Variants in SAP130 observed in about 807,000 individuals in gnomAD.
SAP130 encodes Sin3A associated protein 130.
SAP130 carries 16 observed loss-of-function variants against 103.2 expected under a neutral mutation model. That is an observed-to-expected ratio of 0.16 (90% CI 0.10 to 0.24). The LOEUF (loss-of-function observed/expected upper bound fraction) is 0.24, where lower values mean the gene tolerates loss of function less well. Among genes scored for constraint, SAP130 ranks in the 10% least tolerant of loss-of-function variants. The pLI is 1.00. For synonymous variants in SAP130, 477 were observed against 497.0 expected (o/e 0.96, Z 0.53); for missense variants, 990 against 1,359.7 (o/e 0.73, Z 4.28).
At chr2:127,980,254 T>C (rs143852269) in intron 14 of SAP130, among the ~76,000 whole-genome samples, 1 of 152,190 alleles carries the variant, frequency 6.6e-6, no homozygotes, top group East Asian at 1.9e-4. Flanking sequence ...CCAACTGCAT[T>C]GCTGCCAACC....
intron 18 of SAP130, 80 bp from the exon 19 acceptor site, chr2:127,945,639 C>T: frequency 8.4e-6 from 7 of 837,858 alleles, no homozygotes; most frequent in Non-Finnish European, 1.2e-5. Context: ...GTGTAAATGC[C>T]ATTATTTTAA....
At position 128,010,787 on chromosome 2, in the gene SAP130, C is replaced by T. The variant is rs535562619; in HGVS notation, c.745-394G>A. 4.5e-3 allele frequency among the ~76,000 whole-genome samples: 688 copies of T among 151,796 alleles called. 6 individuals are homozygous for T. Among genetic ancestry groups the T allele is most frequent in the African/African-American group, 0.016 (646 of 41,368 alleles). On this transcript the variant is annotated intron_variant, in intron 6 of 20. Coordinates refer to ENST00000643581, the MANE Select transcript of SAP130 (RefSeq NM_001330301.2). ...GTTGAGGCAGGAGAATCGCTTGAAC[C>T]TGGGAGGCAGAGGTTGCAGTGAGCC...
intron 15 of SAP130, among the ~76,000 whole-genome samples, chr2:127,977,656 A>C (rs1573717687): frequency 6.6e-6 from 1 of 152,244 alleles, no homozygotes; most frequent in East Asian, 1.9e-4. Flanking sequence ...AGGAATGCGC[A>C]ATGCCCACTT....
At chr2:128,013,586 T>A (rs978785565) in intron 5 of SAP130, among the ~76,000 whole-genome samples, 1 of 152,124 alleles carries the variant, frequency 6.6e-6, no homozygotes, top group Non-Finnish European at 1.5e-5. Context: ...CAGACCCCCA[T>A]AAGGGCCTGT....
At chr2:127,972,181 A>G (rs1384258708) in intron 15 of SAP130, among the ~76,000 whole-genome samples, 1 of 152,224 alleles carries the variant, frequency 6.6e-6, no homozygotes, top group East Asian at 1.9e-4. Context: ...AGAGTCTAAA[A>G]AAGAGACCCT....
At chr2:127,987,772 A>T (rs1390973436) in intron 13 of SAP130, among the ~76,000 whole-genome samples, 1 of 152,170 alleles carries the variant, frequency 6.6e-6, no homozygotes, top group African/African-American at 2.4e-5. Flanking sequence ...GTAAAATACC[A>T]ATCTCTCTCA....
rs71935874 is a variant in SAP130 at position 128,004,361 on chromosome 2, CTTTTTTTTTTT to C, written c.870-3918_870-3908del. 6.6e-4 allele frequency among the ~76,000 whole-genome samples: 50 copies of C among 76,024 alleles called. 1 individual carries two copies. The South Asian group carries it at 0.019, about 28-fold the overall frequency. 49.9% of individuals were successfully genotyped at this position (76,024 alleles called of 152,430 possible). A position where few individuals can be genotyped will look rare whatever the true frequency, so the allele number is the denominator to read the frequency against. ...AGTGAAAGGAGGATTGCTTTCTTTC[CTTTTTTTTTTT>C]TTTTTTTTTTTTTTTTAAAGCGATA... On this transcript the variant is annotated intron_variant, in intron 7 of 20. Coordinates refer to ENST00000643581, the MANE Select transcript of SAP130 (RefSeq NM_001330301.2).
At chr2:128,000,202 T>A (rs1683456062) in intron 8 of SAP130, 56 bp from the exon 9 acceptor site, 8 of 1,609,170 alleles carry the variant, frequency 5.0e-6, no homozygotes, top group African/African-American at 4.0e-5. Flanking sequence ...GCGTCCAGGG[T>A]AAACACAATC....
At chr2:128,011,556 T>C (rs1684398223) in intron 6 of SAP130, among the ~76,000 whole-genome samples, 1 of 152,142 alleles carries the variant, frequency 6.6e-6, no homozygotes. Flanking sequence ...ACTCGGGAGC[T>C]CCTTGTCTTG....
In SAP130 at chr2:127,950,415, T is replaced by G; in HGVS notation, c.2423-7A>C. 1.2e-6 allele frequency: 2 copies of G among 1,614,016 alleles called. No individual in the cohort carries two copies. Among genetic ancestry groups the G allele is most frequent in the Non-Finnish European group, 1.7e-6 (2 of 1,179,908 alleles). On this transcript the variant is annotated splice_region_variant and splice_polypyrimidine_tract_variant and intron_variant, in intron 16 of 20. Transcript: ENST00000643581. ...GTAGCCAGTGGAGGAACTGCTGTCA[T>G]AGGAAAAGGAGCACACATATCTGTA... is the stretch of plus-strand genomic sequence containing the variant.
intron 16 of SAP130, among the ~76,000 whole-genome samples, chr2:127,952,571 T>C (rs1679569885): frequency 6.6e-6 from 1 of 152,110 alleles, no homozygotes; most frequent in Non-Finnish European, 1.5e-5. Flanking sequence ...CTCTCCTGGC[T>C]TTCTCCTGAA....
At chr2:127,944,856 C>T (rs192857205) in intron 19 of SAP130, among the ~76,000 whole-genome samples, 4 of 142,564 alleles carry the variant, frequency 2.8e-5, no homozygotes, top group African/African-American at 7.9e-5. Context: ...AAGCCATGGT[C>T]GTGCCACTGC....
At chr2:127,976,472 C>A (rs749157391) in intron 15 of SAP130, among the ~76,000 whole-genome samples, 5 of 152,190 alleles carry the variant, frequency 3.3e-5, no homozygotes, top group African/African-American at 4.8e-5. Context: ...TAATACCAGG[C>A]ACAAACAAGG....
intron 2 of SAP130, among the ~76,000 whole-genome samples, chr2:128,023,769 T>C (rs1164056127): frequency 1.3e-5 from 2 of 152,142 alleles, no homozygotes; most frequent in Admixed American, 1.3e-4. Context: ...AGAGTGAGAC[T>C]CCGTCTCAGA....
intron 2 of SAP130, among the ~76,000 whole-genome samples, chr2:128,024,524 G>A (rs1283873796): frequency 6.6e-6 from 1 of 151,860 alleles, no homozygotes; most frequent in African/African-American, 2.4e-5. Flanking sequence ...GACCAGCTTC[G>A]GCAACATTGT....
chr2:127,974,717 G>A (rs922953845), intron 15 of SAP130, among the ~76,000 whole-genome samples: 13 of 152,216 alleles, frequency 8.5e-5, no homozygotes, highest in African/African-American at 3.1e-4. Flanking sequence ...GGAGGCTGAG[G>A]CAGGAGAATC....
At position 127,989,352 on chromosome 2, in the gene SAP130, C is replaced by A. The variant is rs1054689081; in HGVS notation, c.1780+212G>T. 6.6e-6 allele frequency among the ~76,000 whole-genome samples: 1 copy of A among 152,126 alleles called. No homozygotes were observed. The highest frequency in any genetic ancestry group is 2.4e-5 in the African/African-American group (1 of 41,416). On this transcript the variant is annotated intron_variant, in intron 13 of 20. Coordinates refer to ENST00000643581, the MANE Select transcript of SAP130 (RefSeq NM_001330301.2). This position sits in a 1 kb window ranked among gnomAD's most constrained non-coding sequence, Gnocchi z 4.6. ...GACCTCGTGATCCACCCGCCTCAGC[C>A]TCCCAAAGTGCTGGGATTACAGTGA...
intron 14 of SAP130, among the ~76,000 whole-genome samples, chr2:127,985,648 G>C (rs763337387): frequency 6.6e-6 from 1 of 152,090 alleles, no homozygotes; most frequent in Non-Finnish European, 1.5e-5. Flanking sequence ...GAGTAGGGAA[G>C]TGCTGGGAAG....
intron 2 of SAP130, among the ~76,000 whole-genome samples, chr2:128,018,313 C>CAAAAAAAAAAAAAA (rs200188563): frequency 7.9e-5 from 4 of 50,558 alleles, no homozygotes; most frequent in Admixed American, 2.2e-4. Flanking sequence ...ACTAAAAATA[C>CAAAAAAAAAAAAAA]AAAAAAAAAA....
Sources: gnomAD v4.1 joint callset for allele counts (sites outside exome capture counted in the v4.1 genomes callset) on GRCh38, gnomAD v4.1.1 for gene constraint, Gnocchi (gnomAD v3.1) non-coding constraint, MANE v1.5 for transcripts, NCBI Gene and HGNC (gene_info 2026-07-23, HGNC 2026-07-21) for gene names.